The following CDC5L variants were observed in gnomAD, a reference collection of about 807,000 sequenced individuals.
CDC5L encodes the protein cell division cycle 5 like, also known as cell division cycle 5-like protein.
In CDC5L, 18 loss-of-function variants were observed where a neutral mutation model predicts 104.1. That is an observed-to-expected ratio of 0.17 (90% CI 0.12 to 0.26). The LOEUF is 0.26. Ranked by LOEUF, CDC5L falls within the 10% of genes least tolerant of loss-of-function variation. The pLI is 1.00. For missense variants in CDC5L, 673 were observed against 956.9 expected (o/e 0.70, Z 3.91); for synonymous variants, 331 against 322.7 (o/e 1.03, Z -0.28).
rs778384309 is a variant in CDC5L at position 44,392,728 on chromosome 6, C to G, written c.211C>G (p.Leu71Val). 80 of 1,614,048 alleles carry G rather than the reference C, an allele frequency of 5.0e-5. No homozygotes were observed. The highest frequency in any genetic ancestry group is 6.3e-5 in the Non-Finnish European group (74 of 1,180,020). ...TEWSREEEEK[L>V]LHLAKLMPTQ... ...ATGGTCCAGAGAAGAAGAGGAAAAACTCTTGCACTTGGCCAAGTTGATGCC... is the reference window on the plus strand; with the variant it reads ...ATGGTCCAGAGAAGAAGAGGAAAAAGTCTTGCACTTGGCCAAGTTGATGCC... Residue 71 changes from leucine to valine, a missense_variant, in exon 3 of 16, where the codon CTC (leucine) becomes GTC (valine). Physicochemically the swap from Leu to Val is conservative, Grantham distance 32. Transcript: ENST00000371477.
intron 8 of CDC5L, among the ~76,000 whole-genome samples, chr6:44,411,637 A>AGAGAGTGAGTGTGTGTGTGTGT: frequency 8.1e-5 from 10 of 123,646 alleles, no homozygotes; most frequent in African/African-American, 3.0e-4. Context: ...AGAGAGAGAG[A>AGAGAGTGAGTGTGTGTGTGTGT]GTGTGTGTGT....
At chr6:44,425,175 A>G (rs1009359913) in intron 11 of CDC5L, among the ~76,000 whole-genome samples, 1 of 152,236 alleles carries the variant, frequency 6.6e-6, no homozygotes, top group African/African-American at 2.4e-5. Flanking sequence ...TAGGATCGGT[A>G]TTACAGGTTG....
intron 14 of CDC5L, among the ~76,000 whole-genome samples, chr6:44,432,947 A>C (rs1282428877): frequency 6.6e-6 from 1 of 152,246 alleles, no homozygotes; most frequent in Non-Finnish European, 1.5e-5. Context: ...CAAAAAGCCC[A>C]GTGTATTTTA....
chr6:44,389,464 A>G (rs1287940157), intron 1 of CDC5L, among the ~76,000 whole-genome samples: 1 of 152,236 alleles, frequency 6.6e-6, no homozygotes, highest in African/African-American at 2.4e-5. Context: ...TAGAAGTAAA[A>G]TCGCCTAAGT....
At chr6:44,412,943 C>T (rs1456888865) in intron 8 of CDC5L, among the ~76,000 whole-genome samples, 4 of 151,230 alleles carry the variant, frequency 2.6e-5, no homozygotes, top group Non-Finnish European at 4.4e-5. Flanking sequence ...CCACTACGCC[C>T]GGCTAATTTT....
At position 44,420,668 on chromosome 6, in the gene CDC5L, CT is replaced by C. The variant is rs146223790; in HGVS notation, c.1241+1076del. ...CCACTGCGCCTGGCCAAAATCCAAA[CT>C]TTTTGAGCACCAACATGACACTCAA... is the stretch of plus-strand genomic sequence containing the variant. On this transcript the variant is annotated intron_variant, in intron 9 of 15. Coordinates refer to ENST00000371477, the MANE Select transcript of CDC5L (RefSeq NM_001253.4). Among the ~76,000 whole-genome samples, 1,025 of 152,228 alleles carry C rather than the reference CT, an allele frequency of 6.7e-3. 5 individuals carry two copies. Among genetic ancestry groups the C allele is most frequent in the Non-Finnish European group, 0.011 (762 of 68,024 alleles).
chr6:44,427,763 G>A (rs896617146), intron 13 of CDC5L, among the ~76,000 whole-genome samples: 1 of 152,116 alleles, frequency 6.6e-6, no homozygotes. Context: ...CTGGGATTGA[G>A]AATCAGGCTA....
Position 44,445,856 on chromosome 6 carries a change from C to A in CDC5L, c.2293C>A (p.Arg765=). 6.2e-7 allele frequency: 1 copy of A among 1,612,234 alleles called. No homozygotes were observed. The highest frequency in any genetic ancestry group is 8.5e-7 in the Non-Finnish European group (1 of 1,178,394). Residue 765 remains arginine, a synonymous_variant, in exon 15 of 16, where the codon CGG becomes AGG. Transcript: ENST00000371477. ...GAAACATGAAGATTCTGCTATTCCCCGGAGGCTAGAGGTAACGTTATATAT... is the reference window on the plus strand; with the variant it reads ...GAAACATGAAGATTCTGCTATTCCCAGGAGGCTAGAGGTAACGTTATATAT... ...LKKHEDSAIP[R]RLECLKEDVQ...
intron 8 of CDC5L, among the ~76,000 whole-genome samples, chr6:44,415,544 C>T (rs1332224977): frequency 6.6e-6 from 1 of 152,110 alleles, no homozygotes; most frequent in Non-Finnish European, 1.5e-5. Context: ...TTTTGTCCTC[C>T]CCCATGTCAG....
chr6:44,399,740 A>G (rs910920315), intron 5 of CDC5L, among the ~76,000 whole-genome samples: 1 of 151,758 alleles, frequency 6.6e-6, no homozygotes, highest in Non-Finnish European at 1.5e-5. Flanking sequence ...TGCAAGCTCC[A>G]CCTCCCGGGT....
At chr6:44,433,421 T>A (rs1792778516) in intron 14 of CDC5L, among the ~76,000 whole-genome samples, 1 of 152,226 alleles carries the variant, frequency 6.6e-6, no homozygotes, top group South Asian at 2.1e-4. Flanking sequence ...GAAGACATAA[T>A]TATTTTGAGT....
chr6:44,428,343 C>T (rs537529915), intron 13 of CDC5L, among the ~76,000 whole-genome samples: 2 of 151,978 alleles, frequency 1.3e-5, no homozygotes, highest in East Asian at 3.9e-4. Context: ...AATCATTTCT[C>T]TTGATTTTGT....
intron 8 of CDC5L, among the ~76,000 whole-genome samples, chr6:44,413,102 C>T (rs1278654551): frequency 6.6e-6 from 1 of 152,204 alleles, no homozygotes; most frequent in African/African-American, 2.4e-5. Context: ...ATAATTTCAT[C>T]ATCCAGAAAG....
chr6:44,429,668 A>G, intron 13 of CDC5L, 45 bp from the exon 14 acceptor site: 1 of 1,527,120 alleles, frequency 6.5e-7, no homozygotes, highest in Non-Finnish European at 9.0e-7. Context: ...GGATATGGCA[A>G]GTGTTTGTAG....
intron 14 of CDC5L, among the ~76,000 whole-genome samples, chr6:44,434,213 C>T (rs768580640): frequency 7.9e-5 from 12 of 152,128 alleles, no homozygotes; most frequent in Non-Finnish European, 8.8e-5. Flanking sequence ...ATGCAGTTTA[C>T]GTATTTCACT....
intron 14 of CDC5L, among the ~76,000 whole-genome samples, chr6:44,442,222 G>A (rs1181326358): frequency 2.0e-5 from 3 of 152,064 alleles, no homozygotes; most frequent in African/African-American, 4.8e-5. Flanking sequence ...GGCATGAGCC[G>A]CCATGCCTGG....
chr6:44,393,083 A>T (rs932079838), intron 3 of CDC5L, among the ~76,000 whole-genome samples: 1 of 152,084 alleles, frequency 6.6e-6, no homozygotes, highest in Non-Finnish European at 1.5e-5. Context: ...TGGGGAAAAA[A>T]TAGTAAAAGA....
At chr6:44,415,825 G>T (rs1791882568) in intron 8 of CDC5L, among the ~76,000 whole-genome samples, 1 of 152,114 alleles carries the variant, frequency 6.6e-6, no homozygotes, top group Admixed American at 6.5e-5. Flanking sequence ...ATGGGTGCTT[G>T]GTGACAAGAA....
rs1581643899 is a variant in CDC5L, at chr6:44,398,596, A to C, written c.539+2156A>C. On this transcript the variant is annotated intron_variant, in intron 5 of 15. Coordinates refer to ENST00000371477, the MANE Select transcript of CDC5L (RefSeq NM_001253.4). ...ACAAATCTACCTTGTAACTTAAAGC[A>C]GTTTTTTATTGATTATAAAAGTAAC... 2.0e-5 allele frequency among the ~76,000 whole-genome samples: 3 copies of C among 152,320 alleles called. No homozygotes were observed. In the South Asian group the frequency reaches 6.2e-4, roughly 32 times the overall value.
Sources: allele counts gnomAD v4.1 joint callset (sites outside exome capture counted in the v4.1 genomes callset), GRCh38; gene constraint gnomAD v4.1.1; transcripts MANE v1.5; gene names NCBI Gene and HGNC (gene_info 2026-07-23, HGNC 2026-07-21).